Variants in PCDHGA5 observed in about 807,000 individuals in gnomAD.
PCDHGA5 encodes protocadherin gamma subfamily A, 5.
In PCDHGA5, 36 loss-of-function variants were observed where a neutral mutation model predicts 56.7. That is an observed-to-expected ratio of 0.64 (90% CI 0.49 to 0.84). The LOEUF (loss-of-function observed/expected upper bound fraction) is 0.84, where lower values mean the gene tolerates loss of function less well. Ranked by LOEUF, PCDHGA5 falls within the 40% of genes least tolerant of loss-of-function variation. The pLI is 0.00. For synonymous variants in PCDHGA5, 563 were observed against 520.2 expected, an observed-to-expected ratio of 1.08 and a Z score of -1.12; for missense variants, 1,305 against 1,201.5, an observed-to-expected ratio of 1.09 and a Z score of -1.27.
At chr5:141,391,149 G>C (rs1487749660) in intron 1 of PCDHGA5, 1 of 152,032 alleles carries the variant, frequency 6.6e-6, no homozygotes, top group Non-Finnish European at 1.5e-5. Context: ...CTCTAGGAAA[G>C]AAATATAGTC....
chr5:141,438,895 A>C (rs2098073582), intron 1 of PCDHGA5, among the ~76,000 whole-genome samples: 1 of 151,640 alleles, frequency 6.6e-6, no homozygotes, highest in Non-Finnish European at 1.5e-5. Flanking sequence ...TGAACTCCTG[A>C]CCTCAGGTGA....
At chr5:141,381,949 C>T (rs897929706) in intron 1 of PCDHGA5, among the ~76,000 whole-genome samples, 2 of 150,880 alleles carry the variant, frequency 1.3e-5, no homozygotes, top group Non-Finnish European at 2.9e-5. Context: ...CCTGCCTCAG[C>T]CTCCTGAGTA....
intron 1 of PCDHGA5, among the ~76,000 whole-genome samples, chr5:141,479,996 G>A (rs759188600): frequency 7.2e-5 from 11 of 152,244 alleles, no homozygotes; most frequent in Middle Eastern, 3.2e-3. Context: ...CTAGGAGTCT[G>A]TGGCCAAGTT....
intron 1 of PCDHGA5, chr5:141,394,736 C>A: frequency 6.2e-7 from 1 of 1,613,456 alleles, no homozygotes; most frequent in Non-Finnish European, 8.5e-7. Flanking sequence ...TCAAGCAGAG[C>A]CTCGTGGTGG....
At chr5:141,372,826 C>G in intron 1 of PCDHGA5, 1 of 1,554,742 alleles carries the variant, frequency 6.4e-7, no homozygotes, top group Middle Eastern at 1.7e-4. Flanking sequence ...TTCTTCAAAC[C>G]TTTCCTTCCA....
At chr5:141,435,112 T>A (rs906494104) in intron 1 of PCDHGA5, among the ~76,000 whole-genome samples, 1 of 152,102 alleles carries the variant, frequency 6.6e-6, no homozygotes, top group Non-Finnish European at 1.5e-5. Context: ...GGGGGAGAAA[T>A]CTAATTCAAT....
At chr5:141,398,644 T>C (rs772408476) in intron 1 of PCDHGA5, 7 of 1,613,908 alleles carry the variant, frequency 4.3e-6, no homozygotes, top group Non-Finnish European at 5.9e-6. Context: ...GTATAAACTC[T>C]CTCTTAACCC....
intron 1 of PCDHGA5, among the ~76,000 whole-genome samples, chr5:141,433,397 A>ATCTC (rs1179042498): frequency 6.6e-6 from 1 of 150,410 alleles, no homozygotes; most frequent in African/African-American, 2.5e-5. Flanking sequence ...CTATCTATCT[A>ATCTC]TCTATCTATT....
intron 1 of PCDHGA5, among the ~76,000 whole-genome samples, chr5:141,461,366 A>G (rs1186381077): frequency 6.6e-6 from 1 of 151,964 alleles, no homozygotes; most frequent in Non-Finnish European, 1.5e-5. Flanking sequence ...TTGTGGTTTT[A>G]ATTTGCATTT....
chr5:141,423,927 T>A, intron 1 of PCDHGA5: 1 of 1,240,434 alleles, frequency 8.1e-7, no homozygotes, highest in Non-Finnish European at 1.0e-6. Context: ...TATGCTGGTT[T>A]GGTTTGAAGT....
At chr5:141,405,632 G>A (rs1487962714) in intron 1 of PCDHGA5, 9 of 530,162 alleles carry the variant, frequency 1.7e-5, no homozygotes, top group African/African-American at 1.2e-4. Flanking sequence ...GTGCCACCAC[G>A]CCCGGCTAAT....
chr5:141,394,561 A>ACCTGCGGAGCTACCT, intron 1 of PCDHGA5: 2 of 1,613,954 alleles, frequency 1.2e-6, no homozygotes, highest in Non-Finnish European at 1.7e-6. Context: ...CGCTCCGCAG[A>ACCTGCGGAGCTACCT]GCGTGGCTAC....
intron 1 of PCDHGA5, among the ~76,000 whole-genome samples, chr5:141,386,755 G>A (rs72790029): frequency 0.064 from 9,806 of 152,198 alleles, 370 homozygotes; most frequent in African/African-American, 0.1. Context: ...GCAGAACTAC[G>A]GTTATAAGGT....
rs543592741 is a variant in PCDHGA5 at position 141,364,386 on chromosome 5, T to A, written c.56T>A (p.Leu19His). Reference sequence around the variant, plus strand: ...GGAGAGCTGCTGCTGCCCTTCATGCTCCTGGGGACGCTGTGCGAGCCAGGA... The same window carrying A: ...GGAGAGCTGCTGCTGCCCTTCATGCACCTGGGGACGCTGTGCGAGCCAGGA... ...GCGELLLPFM[L>H]LGTLCEPGSG... The change falls in exon 1 of 4, where the codon CTC (leucine) becomes CAC (histidine). Residue 19 changes from leucine to histidine, a missense_variant. By Grantham distance (99) the Leu-to-His change is moderately conservative. Transcript: ENST00000518069. 1 of 1,592,172 alleles carries A rather than the reference T, an allele frequency of 6.3e-7. No homozygotes were observed. Among genetic ancestry groups the A allele is most frequent in the South Asian group, 1.1e-5 (1 of 87,664 alleles).
chr5:141,418,707 G>T (rs2096282239), intron 1 of PCDHGA5: 1 of 1,614,016 alleles, frequency 6.2e-7, no homozygotes, highest in Non-Finnish European at 8.5e-7. Context: ...TCCTTCTTTG[G>T]TGTGGCTGAC....
intron 1 of PCDHGA5, chr5:141,415,513 G>A: frequency 6.2e-7 from 1 of 1,614,214 alleles, no homozygotes; most frequent in East Asian, 2.2e-5. Context: ...GCCCAATTAT[G>A]CGGACACGCT....
At chr5:141,383,962 T>C in intron 1 of PCDHGA5, 2 of 1,613,460 alleles carry the variant, frequency 1.2e-6, no homozygotes, top group Non-Finnish European at 1.7e-6. Flanking sequence ...TTTAAGTAGC[T>C]CAATCCCTGA....
intron 1 of PCDHGA5, among the ~76,000 whole-genome samples, chr5:141,425,325 A>G (rs1371591408): frequency 6.6e-6 from 1 of 152,240 alleles, no homozygotes. Context: ...ATCGTGGAGA[A>G]CAAAAAGGAA....
chr5:141,488,705 G>T (rs1024064135), intron 1 of PCDHGA5, among the ~76,000 whole-genome samples: 1 of 152,200 alleles, frequency 6.6e-6, no homozygotes, highest in Non-Finnish European at 1.5e-5. Context: ...AGATTTTGCT[G>T]GTTCAAGCAA....
Sources: allele counts gnomAD v4.1 joint callset (sites outside exome capture counted in the v4.1 genomes callset), GRCh38; gene constraint gnomAD v4.1.1; transcripts MANE v1.5; gene names NCBI Gene and HGNC (gene_info 2026-07-23, HGNC 2026-07-21).